IMMP2L: variants seen among roughly 807,000 people sequenced by gnomAD.
IMMP2L encodes inner mitochondrial membrane peptidase subunit 2.
Under a neutral mutation model 19.3 loss-of-function variants are expected in IMMP2L, and 18 were observed. The ratio of observed to expected loss-of-function variants is 0.93; its 90% CI spans 0.64 to 1.38. IMMP2L has a LOEUF of 1.38. Among genes scored for constraint, IMMP2L ranks in the 40% most tolerant of loss-of-function variants. IMMP2L has a pLI of 0.00. For missense variants in IMMP2L, 233 were observed against 218.2 expected, an observed-to-expected ratio of 1.07 and a Z score of -0.43; for synonymous variants, 76 against 73.0, an observed-to-expected ratio of 1.04 and a Z score of -0.21.
intron 5 of IMMP2L, among the ~76,000 whole-genome samples, chr7:110,860,317 A>T (rs1807265469): frequency 6.6e-6 from 1 of 152,164 alleles, no homozygotes; most frequent in Non-Finnish European, 1.5e-5. Context: ...CTAGAGTAAT[A>T]AATTTCATAG....
At position 111,534,810 on chromosome 7, in the gene IMMP2L, C is replaced by A. The variant is rs143008004; in HGVS notation, c.-2-13361G>T. Among the ~76,000 whole-genome samples the A allele has an allele frequency of 2.1e-3, 324 of 152,220 alleles. 3 individuals are homozygous for A. Among genetic ancestry groups the A allele is most frequent in the African/African-American group, 7.4e-3 (307 of 41,558 alleles). The stretch of plus-strand genomic sequence containing the variant: ...AAAGTCTCATTTGGTGGCTTCAAGA[C>A]TTTCCACTGTTAAAGGAGGCTGAGC... On this transcript the variant is annotated intron_variant, in intron 1 of 5. Coordinates refer to ENST00000405709, the MANE Select transcript of IMMP2L (RefSeq NM_032549.4).
chr7:111,505,379 C>T (rs1001466723), intron 2 of IMMP2L, among the ~76,000 whole-genome samples: 1 of 151,682 alleles, frequency 6.6e-6, no homozygotes, highest in Non-Finnish European at 1.5e-5. Flanking sequence ...GTTGGTGGGA[C>T]TGTAAACTAG....
intron 3 of IMMP2L, among the ~76,000 whole-genome samples, chr7:110,987,942 T>C (rs948971132): frequency 2.6e-5 from 4 of 152,174 alleles, no homozygotes; most frequent in African/African-American, 7.2e-5. Flanking sequence ...TATCCCGTTA[T>C]CAATTTTTAA....
chr7:111,111,093 T>G (rs1423136004), intron 3 of IMMP2L, among the ~76,000 whole-genome samples: 1 of 152,150 alleles, frequency 6.6e-6, no homozygotes, highest in Non-Finnish European at 1.5e-5. Flanking sequence ...AACAGGTGAT[T>G]TGTCACTTAG....
At chr7:111,040,972 G>A (rs1430901759) in intron 3 of IMMP2L, among the ~76,000 whole-genome samples, 1 of 151,752 alleles carries the variant, frequency 6.6e-6, no homozygotes, top group Non-Finnish European at 1.5e-5. Context: ...ATATTGTACT[G>A]AGGAAAAATA....
At chr7:111,219,045 T>G (rs561297955) in intron 3 of IMMP2L, among the ~76,000 whole-genome samples, 3 of 152,052 alleles carry the variant, frequency 2.0e-5, no homozygotes, top group Non-Finnish European at 4.4e-5. Context: ...AAACAGGGCA[T>G]GAAATAGAGG....
intron 3 of IMMP2L, among the ~76,000 whole-genome samples, chr7:111,475,419 T>C (rs924545769): frequency 6.6e-6 from 1 of 152,020 alleles, no homozygotes. Flanking sequence ...CTTTTTTTTT[T>C]CTAAAAGGAA....
At chr7:111,064,827 C>T (rs1480344245) in intron 3 of IMMP2L, among the ~76,000 whole-genome samples, 1 of 152,202 alleles carries the variant, frequency 6.6e-6, no homozygotes, top group Non-Finnish European at 1.5e-5. Context: ...GTCTACTACT[C>T]CGCAATGGAG....
At chr7:111,113,507 C>G (rs1311434067) in intron 3 of IMMP2L, among the ~76,000 whole-genome samples, 2 of 152,060 alleles carry the variant, frequency 1.3e-5, no homozygotes, top group Non-Finnish European at 2.9e-5. Context: ...TCAACTCAAG[C>G]TGCAATCACT....
intron 3 of IMMP2L, among the ~76,000 whole-genome samples, chr7:111,407,892 C>A (rs1834033454): frequency 6.6e-6 from 1 of 151,976 alleles, no homozygotes; most frequent in Non-Finnish European, 1.5e-5. Context: ...ACAATAACTA[C>A]TACTCACTGA....
chr7:110,911,654 G>A (rs1364517791), intron 4 of IMMP2L, among the ~76,000 whole-genome samples: 1 of 152,048 alleles, frequency 6.6e-6, no homozygotes, highest in Non-Finnish European at 1.5e-5. Context: ...TCATGGCATT[G>A]AACAGAATTG....
At chr7:111,422,696 G>A (rs1835689125) in intron 3 of IMMP2L, among the ~76,000 whole-genome samples, 2 of 151,896 alleles carry the variant, frequency 1.3e-5, no homozygotes, top group Middle Eastern at 3.4e-3. Context: ...TTTCCTAACT[G>A]AATACCCTTT....
intron 2 of IMMP2L, among the ~76,000 whole-genome samples, chr7:111,509,071 T>G (rs1480221797): frequency 6.6e-6 from 1 of 152,080 alleles, no homozygotes; most frequent in Non-Finnish European, 1.5e-5. Flanking sequence ...ACAAAGGCAA[T>G]CAGGATTTTC....
intron 3 of IMMP2L, among the ~76,000 whole-genome samples, chr7:111,301,921 TAA>T (rs59156229): frequency 0.059 from 4,862 of 82,750 alleles, 153 homozygotes; most frequent in South Asian, 0.084. Context: ...TTTCATGCTT[TAA>T]AAAAAAAAAA....
chr7:110,804,266 G>A (rs767510257), intron 5 of IMMP2L, among the ~76,000 whole-genome samples: 9 of 151,946 alleles, frequency 5.9e-5, no homozygotes, highest in African/African-American at 1.9e-4. Flanking sequence ...ACTATCTCCA[G>A]ATGAAAAATT....
rs187745496 is a variant in IMMP2L at position 110,673,862 on chromosome 7, C to G, written c.409-10141G>C. Among the ~76,000 whole-genome samples, 8 of 152,250 alleles carry G rather than the reference C, an allele frequency of 5.3e-5. No homozygotes were observed. The South Asian group carries it at 1.7e-3, about 32-fold the overall frequency. On this transcript the variant is annotated intron_variant, in intron 5 of 5. Coordinates refer to ENST00000405709, the MANE Select transcript of IMMP2L (RefSeq NM_032549.4). The stretch of plus-strand genomic sequence containing the variant: ...CCCCATATCTTCCTGTCTTCTGAGC[C>G]CTCCAAGTCTCTAGGAAGTTCCAAA...
intron 3 of IMMP2L, among the ~76,000 whole-genome samples, chr7:111,205,026 A>G (rs1215397230): frequency 6.6e-6 from 1 of 152,168 alleles, no homozygotes; most frequent in Non-Finnish European, 1.5e-5. Flanking sequence ...CTGGAGGCTG[A>G]GAAGTCCAAG....
At chr7:111,353,819 AT>A (rs1381857474) in intron 3 of IMMP2L, among the ~76,000 whole-genome samples, 1 of 152,178 alleles carries the variant, frequency 6.6e-6, no homozygotes, top group African/African-American at 2.4e-5. Context: ...GATAGACACC[AT>A]AAACATAGTC....
intron 3 of IMMP2L, among the ~76,000 whole-genome samples, chr7:110,973,353 T>G (rs962982553): frequency 6.6e-6 from 1 of 152,064 alleles, no homozygotes; most frequent in East Asian, 1.9e-4. Context: ...CTGCCAGTGT[T>G]CTACACATAG....
Sources: gnomAD v4.1 joint callset for allele counts (sites outside exome capture counted in the v4.1 genomes callset) on GRCh38, gnomAD v4.1.1 for gene constraint, MANE v1.5 for transcripts, NCBI Gene and HGNC (gene_info 2026-07-23, HGNC 2026-07-21) for gene names.